EML6: variants seen among roughly 807,000 people sequenced by gnomAD.
The protein encoded by EML6 is echinoderm microtubule-associated protein-like 6.
In EML6, 154 loss-of-function variants were observed where a neutral mutation model predicts 240.1. The observed-to-expected ratio is 0.64, with a 90% CI of 0.56 to 0.73. The LOEUF is 0.73. EML6 is among the 30% of genes least tolerant of loss of function. The pLI is 0.00. For synonymous variants in EML6, 1,148 were observed against 899.0 expected (o/e 1.28, Z -4.95); for missense variants, 2,964 against 2,474.6 (o/e 1.20, Z -4.20).
intron 28 of EML6, among the ~76,000 whole-genome samples, chr2:54,943,703 A>G (rs1029497488): frequency 6.6e-6 from 1 of 152,238 alleles, no homozygotes; most frequent in Non-Finnish European, 1.5e-5. Context: ...AGCCACGTGT[A>G]TAAATTTTCT....
intron 7 of EML6, among the ~76,000 whole-genome samples, chr2:54,829,827 GAC>G (rs1668779118): frequency 6.6e-6 from 1 of 152,192 alleles, no homozygotes; most frequent in African/African-American, 2.4e-5. Context: ...GGAGAAATGA[GAC>G]AAATTTTGTT....
At chr2:54,894,846 C>T in intron 19 of EML6, 69 bp from the exon 20 acceptor site, 2 of 1,055,006 alleles carry the variant, frequency 1.9e-6, no homozygotes, top group Non-Finnish European at 2.8e-6. Context: ...GCGGGGAATC[C>T]TCCTGGGGCC....
chr2:54,938,723 A>G (rs1020282061), intron 28 of EML6, among the ~76,000 whole-genome samples: 2 of 152,194 alleles, frequency 1.3e-5, no homozygotes, highest in East Asian at 1.9e-4. Context: ...CTTCAGCACA[A>G]TGTGATGGGT....
chr2:54,879,999 T>C (rs1350642553), intron 17 of EML6: 2 of 172,464 alleles, frequency 1.2e-5, no homozygotes, highest in Non-Finnish European at 2.4e-5. Context: ...GGTGAAGGAT[T>C]GTCAATGTCA....
At chr2:54,812,340 A>C (rs1330558373) in intron 2 of EML6, among the ~76,000 whole-genome samples, 2 of 151,748 alleles carry the variant, frequency 1.3e-5, no homozygotes, top group African/African-American at 4.8e-5. Context: ...AAAAAAGTCT[A>C]CTTCCATTTA....
chr2:54,843,024 A>G (rs938763329), intron 7 of EML6, among the ~76,000 whole-genome samples: 7 of 152,172 alleles, frequency 4.6e-5, no homozygotes, highest in Admixed American at 6.5e-5. Flanking sequence ...TATGTATTAA[A>G]CTTGTTTAAT....
In EML6 at chr2:54,725,014, A is replaced by G. The variant is rs1392039499; in HGVS notation, c.-48A>G. On this transcript the variant is annotated 5_prime_UTR_variant, in exon 2 of 42. Coordinates refer to ENST00000356458, the MANE Select transcript of EML6 (RefSeq NM_001039753.4). This position sits in a 1 kb window ranked among gnomAD's most constrained non-coding sequence, Gnocchi z 4.3. ...CGCCGCAGCCCCAGCCTCGGCGAGG[A>G]CGGCCCCGGCGCGCGGGGGGGCGGG... is the stretch of plus-strand genomic sequence containing the variant. The G allele has an allele frequency of 2.1e-6, 3 of 1,423,072 alleles. No homozygotes were observed. Among genetic ancestry groups the G allele is most frequent in the Admixed American group, 3.0e-5 (1 of 32,868 alleles). 88.2% of individuals were successfully genotyped at this position (1,423,072 alleles called of 1,614,324 possible). A position where few individuals can be genotyped will look rare whatever the true frequency, so the allele number is the denominator to read the frequency against.
At chr2:54,924,328 T>G (rs1228037055) in intron 26 of EML6, among the ~76,000 whole-genome samples, 1 of 152,166 alleles carries the variant, frequency 6.6e-6, no homozygotes, top group African/African-American at 2.4e-5. Context: ...TGTTTTCAGT[T>G]TACATTTCTC....
chr2:54,925,846 C>A (rs1674516017), intron 26 of EML6, among the ~76,000 whole-genome samples: 1 of 152,186 alleles, frequency 6.6e-6, no homozygotes. Flanking sequence ...AACCTAGACC[C>A]TTTTGCTAAA....
intron 21 of EML6, among the ~76,000 whole-genome samples, chr2:54,899,289 A>G (rs1673658322): frequency 6.6e-6 from 1 of 152,214 alleles, no homozygotes; most frequent in African/African-American, 2.4e-5. Flanking sequence ...GGGTACATAT[A>G]TACTATGTTT....
At chr2:54,953,414 A>T (rs560974128) in intron 31 of EML6, among the ~76,000 whole-genome samples, 10 of 152,312 alleles carry the variant, frequency 6.6e-5, no homozygotes, top group Non-Finnish European at 1.2e-4. Context: ...TGCAGATACA[A>T]ATCATTGACC....
At chr2:54,838,302 C>T (rs536095171) in intron 7 of EML6, among the ~76,000 whole-genome samples, 2 of 152,254 alleles carry the variant, frequency 1.3e-5, no homozygotes, top group African/African-American at 2.4e-5. Flanking sequence ...AAAATAATAG[C>T]ATAATGTATT....
chr2:54,786,164 A>G (rs577607108), intron 2 of EML6, among the ~76,000 whole-genome samples: 16 of 151,922 alleles, frequency 1.1e-4, no homozygotes, highest in African/African-American at 3.9e-4. Context: ...AGAGGAGGAG[A>G]TGGCTGGGCC....
In EML6 at chr2:54,911,977, G is replaced by T. The variant is rs144762359; in HGVS notation, c.3498+935G>T. 7.4e-3 allele frequency among the ~76,000 whole-genome samples: 1,125 copies of T among 152,342 alleles called. 7 individuals carry two copies. Among genetic ancestry groups the T allele is most frequent in the South Asian group, 0.014 (68 of 4,828 alleles). ...CATAATGAGCCCTGGTCTAACTGTT[G>T]ATGAGGATGAGGAAATATTGCTTCC... is the stretch of plus-strand genomic sequence containing the variant. On this transcript the variant is annotated intron_variant, in intron 25 of 41. Transcript: ENST00000356458.
intron 7 of EML6, among the ~76,000 whole-genome samples, chr2:54,835,532 A>ATG (rs1669096238): frequency 6.6e-6 from 1 of 152,232 alleles, no homozygotes; most frequent in East Asian, 1.9e-4. Flanking sequence ...TTAGGCAGGC[A>ATG]TGTGGCATAA....
At chr2:54,920,829 TC>T (rs1159148173) in intron 26 of EML6, among the ~76,000 whole-genome samples, 1 of 152,114 alleles carries the variant, frequency 6.6e-6, no homozygotes, top group African/African-American at 2.4e-5. Context: ...TGGAATGTGT[TC>T]CTGGGATGCA....
intron 2 of EML6, among the ~76,000 whole-genome samples, chr2:54,805,657 A>G (rs910263565): frequency 1.3e-5 from 2 of 152,026 alleles, no homozygotes; most frequent in Non-Finnish European, 2.9e-5. Flanking sequence ...AATAGTGTCT[A>G]TCAAAGACCA....
chr2:54,908,519 A>AC (rs1673468191), intron 24 of EML6, among the ~76,000 whole-genome samples: 1 of 152,322 alleles, frequency 6.6e-6, no homozygotes, highest in East Asian at 1.9e-4. Flanking sequence ...GCAGGAAAGA[A>AC]CACCTGCCAA....
chr2:54,935,069 C>A (rs1251537957), intron 28 of EML6, among the ~76,000 whole-genome samples: 1 of 152,042 alleles, frequency 6.6e-6, no homozygotes, highest in East Asian at 1.9e-4. Context: ...ATATTATAAC[C>A]TTTTGTAGGC....
Sources: gnomAD v4.1 joint callset for allele counts (sites outside exome capture counted in the v4.1 genomes callset) on GRCh38, gnomAD v4.1.1 for gene constraint, Gnocchi (gnomAD v3.1) non-coding constraint, MANE v1.5 for transcripts, NCBI Gene and HGNC (gene_info 2026-07-23, HGNC 2026-07-21) for gene names.